FAIM: variants seen among roughly 807,000 people sequenced by gnomAD.
The protein encoded by FAIM is Fas apoptotic inhibitory molecule.
In FAIM, 14 loss-of-function variants were observed where a neutral mutation model predicts 21.2. That is an observed-to-expected ratio of 0.66 (90% CI 0.44 to 1.03). The LOEUF (loss-of-function observed/expected upper bound fraction) is 1.03. Among genes scored for constraint, FAIM ranks in the 50% least tolerant of loss-of-function variants. FAIM has a pLI of 0.00. For synonymous variants in FAIM, 86 were observed against 80.4 expected, an observed-to-expected ratio of 1.07 and a Z score of -0.37; for missense variants, 222 against 247.1, an observed-to-expected ratio of 0.90 and a Z score of 0.68.
chr3:138,614,994 T>A (rs2042811056), intron 1 of FAIM, among the ~76,000 whole-genome samples: 1 of 152,180 alleles, frequency 6.6e-6, no homozygotes, highest in Admixed American at 6.5e-5. Context: ...TGGGGTTATA[T>A]CCCAATAAAC....
chr3:138,610,209 T>A (rs2042752706), intron 1 of FAIM, among the ~76,000 whole-genome samples: 1 of 152,186 alleles, frequency 6.6e-6, no homozygotes, highest in South Asian at 2.1e-4. Flanking sequence ...CCAGTAAGAA[T>A]AAACCTAAGT....
intron 1 of FAIM, among the ~76,000 whole-genome samples, chr3:138,616,523 T>C (rs2042826696): frequency 6.6e-6 from 1 of 152,064 alleles, no homozygotes; most frequent in Non-Finnish European, 1.5e-5. Flanking sequence ...TATAGGCACG[T>C]GCCACCACAC....
intron 1 of FAIM, among the ~76,000 whole-genome samples, chr3:138,616,198 ACT>A (rs1560494178): frequency 6.6e-6 from 1 of 151,832 alleles, no homozygotes. Flanking sequence ...AAATTGTATG[ACT>A]CTCTCATATT....
rs558142403 is a variant in FAIM, at chr3:138,628,453, T to C, written c.407-654T>C. Among the ~76,000 whole-genome samples, 9 of 151,430 alleles carry C rather than the reference T, an allele frequency of 5.9e-5. No individual in the cohort carries two copies. In the South Asian group the frequency reaches 6.2e-4, roughly 11 times the overall value. On this transcript the variant is annotated intron_variant, in intron 4 of 5. Coordinates refer to ENST00000360570, the MANE Select transcript of FAIM (RefSeq NM_001033031.2). ...GGGTCCCTCCTCACATTCATCTGTA[T>C]GCATCCTTCTTTTTTATTTATTTAT...
intron 1 of FAIM, among the ~76,000 whole-genome samples, chr3:138,617,978 A>G (rs2042845893): frequency 6.8e-6 from 1 of 147,648 alleles, no homozygotes; most frequent in Non-Finnish European, 1.5e-5. Context: ...TAGTATATAT[A>G]TAGATACCTG....
intron 2 of FAIM, 164 bp from the exon 3 acceptor site, chr3:138,621,243 G>A (rs2042881546): frequency 3.0e-6 from 2 of 664,804 alleles, no homozygotes; most frequent in African/African-American, 3.7e-5. Flanking sequence ...TGAATAAGAG[G>A]GAGAAAATAG....
At chr3:138,609,532 A>AC (rs2042728131) in intron 1 of FAIM, among the ~76,000 whole-genome samples, 5 of 20,372 alleles carry the variant, frequency 2.5e-4, no homozygotes, top group Admixed American at 8.8e-4. Flanking sequence ...AAAGTGCTGA[A>AC]ACTCTCTCTC....
chr3:138,625,184 T>C (rs2042926419), intron 4 of FAIM, among the ~76,000 whole-genome samples: 1 of 150,598 alleles, frequency 6.6e-6, no homozygotes, highest in Admixed American at 6.6e-5. Flanking sequence ...ATAATTTGGC[T>C]GGGCATGGTA....
chr3:138,630,231 G>T (rs2042990656), intron 5 of FAIM: 1 of 152,190 alleles, frequency 6.6e-6, no homozygotes, highest in Non-Finnish European at 1.5e-5. Context: ...TTGGAGGAAA[G>T]GAGGTCTGGG....
intron 1 of FAIM, among the ~76,000 whole-genome samples, chr3:138,614,851 G>A (rs1028101296): frequency 3.3e-5 from 5 of 152,044 alleles, no homozygotes; most frequent in Admixed American, 3.3e-4. Flanking sequence ...TAAGGTGGGA[G>A]GATCCTTTGG....
At chr3:138,627,898 C>G (rs969346540) in intron 4 of FAIM, among the ~76,000 whole-genome samples, 1 of 152,188 alleles carries the variant, frequency 6.6e-6, no homozygotes, top group Non-Finnish European at 1.5e-5. Context: ...GAGCAGATGG[C>G]CAGGCAGTAA....
At chr3:138,632,880 A>G in intron 5 of FAIM, 50 bp from the exon 6 acceptor site, 2 of 1,582,708 alleles carry the variant, frequency 1.3e-6, no homozygotes, top group Non-Finnish European at 1.7e-6. Flanking sequence ...TGCTCTAGAC[A>G]GAGATAAAAG....
rs1360401224 is a variant in FAIM, at chr3:138,622,375, G to T, written c.365G>T (p.Trp122Leu). The change falls in exon 4 of 6, where the codon TGG becomes TTG. Residue 122 changes from tryptophan (W) to leucine (L), a missense_variant. Transcript: ENST00000360570. Reference sequence around the variant, plus strand: ...GACAGATCAAAAACCACCAATACTTGGGTATTACACATGGATGGTGAGAAC... The same window carrying T: ...GACAGATCAAAAACCACCAATACTTTGGTATTACACATGGATGGTGAGAAC... ...MEDRSKTTNTWVLHMDGENFR... is the reference protein window; with the variant it reads ...MEDRSKTTNTLVLHMDGENFR... 1 of 1,612,212 alleles carries T rather than the reference G, an allele frequency of 6.2e-7. No homozygotes were observed. The highest frequency in any genetic ancestry group is 1.7e-5 in the Admixed American group (1 of 59,802).
intron 5 of FAIM, chr3:138,630,873 C>T (rs1282271483): frequency 1.3e-5 from 2 of 152,198 alleles, no homozygotes; most frequent in Admixed American, 6.5e-5. Context: ...CGAGGTGACT[C>T]ATGCATGTAA....
intron 1 of FAIM, among the ~76,000 whole-genome samples, chr3:138,609,316 T>C (rs1044511606): frequency 1.3e-5 from 2 of 151,226 alleles, no homozygotes; most frequent in Non-Finnish European, 3.0e-5. Context: ...CCCCGCGACC[T>C]GCCGCACCCT....
At chr3:138,621,644 T>A (rs2042887051) in intron 3 of FAIM, 105 bp downstream of exon 3, 1 of 1,007,902 alleles carries the variant, frequency 9.9e-7, no homozygotes. Flanking sequence ...TTTCTTGTAG[T>A]CATGTTTTTG....
intron 1 of FAIM, among the ~76,000 whole-genome samples, chr3:138,615,816 A>C (rs1204677168): frequency 6.6e-6 from 1 of 152,184 alleles, no homozygotes; most frequent in Non-Finnish European, 1.5e-5. Flanking sequence ...ATTTCAATTA[A>C]ATTTTAAAGT....
At chr3:138,628,718 T>C (rs1467609417) in intron 4 of FAIM, among the ~76,000 whole-genome samples, 4 of 152,054 alleles carry the variant, frequency 2.6e-5, no homozygotes, top group East Asian at 3.9e-4. Flanking sequence ...CTCCTGACCT[T>C]GTGATCCGCC....
In FAIM at chr3:138,622,392, G is replaced by T; in HGVS notation, c.382G>T (p.Gly128Cys). 6.2e-7 allele frequency: 1 copy of T among 1,602,582 alleles called. No individual in the cohort carries two copies. Among genetic ancestry groups the T allele is most frequent in the Non-Finnish European group, 8.5e-7 (1 of 1,176,490 alleles). ...TTNTWVLHMD[G>C]ENFRIVLEKD... ...CAATACTTGGGTATTACACATGGAT[G>T]GTGAGAACTTTAGAATTGTTTTGGG... The change falls in exon 4 of 6, where the codon GGT becomes TGT. Residue 128 changes from glycine to cysteine, a missense_variant. Physicochemically the swap from Gly to Cys is radical, Grantham distance 159. Transcript: ENST00000360570.
Sources: gnomAD v4.1 joint callset for allele counts (sites outside exome capture counted in the v4.1 genomes callset) on GRCh38, gnomAD v4.1.1 for gene constraint, MANE v1.5 for transcripts, NCBI Gene and HGNC (gene_info 2026-07-23, HGNC 2026-07-21) for gene names.